NRG3: variants seen among roughly 807,000 people sequenced by gnomAD.
The protein encoded by NRG3 is neuregulin 3.
Under a neutral mutation model 66.9 loss-of-function variants are expected in NRG3, and 31 were observed. The observed-to-expected ratio is 0.46, with a 90% CI of 0.35 to 0.63. NRG3 has a LOEUF of 0.63. Ranked by LOEUF, NRG3 falls within the 20% of genes least tolerant of loss-of-function variation. The pLI is 0.00. For missense variants in NRG3, 910 were observed against 878.9 expected (o/e 1.04, Z -0.45); for synonymous variants, 393 against 359.4 (o/e 1.09, Z -1.06).
At chr10:82,576,429 A>G (rs1188597803) in intron 2 of NRG3, among the ~76,000 whole-genome samples, 4 of 151,472 alleles carry the variant, frequency 2.6e-5, no homozygotes, top group African/African-American at 9.7e-5. Flanking sequence ...AATCTTTCCA[A>G]TGGGCCTGAG....
intron 1 of NRG3, among the ~76,000 whole-genome samples, chr10:82,044,040 T>C (rs2063154939): frequency 6.6e-6 from 1 of 152,060 alleles, no homozygotes; most frequent in African/African-American, 2.4e-5. Context: ...ATTGTTTGTA[T>C]TGGTGGTGAG....
intron 4 of NRG3, among the ~76,000 whole-genome samples, chr10:82,890,877 C>G (rs1369016302): frequency 6.6e-6 from 1 of 152,120 alleles, no homozygotes; most frequent in African/African-American, 2.4e-5. Context: ...TTTGTCTCCC[C>G]TAAATGAGAA....
chr10:82,461,623 C>G (rs1263180261), intron 2 of NRG3, among the ~76,000 whole-genome samples: 2 of 152,144 alleles, frequency 1.3e-5, no homozygotes, highest in Non-Finnish European at 2.9e-5. Flanking sequence ...CATATTCAAG[C>G]TGGTATTTAT....
At chr10:82,035,008 A>G (rs1045052386) in intron 1 of NRG3, among the ~76,000 whole-genome samples, 1 of 152,094 alleles carries the variant, frequency 6.6e-6, no homozygotes, top group Non-Finnish European at 1.5e-5. Flanking sequence ...CTTAAAGTGA[A>G]TATAGTTTAC....
intron 1 of NRG3, among the ~76,000 whole-genome samples, chr10:82,163,825 A>G (rs2071801218): frequency 6.6e-6 from 1 of 152,040 alleles, no homozygotes; most frequent in African/African-American, 2.4e-5. Context: ...ATGGTGAGGA[A>G]TTCAGATTTT....
chr10:82,578,320 T>C (rs527336173), intron 2 of NRG3, among the ~76,000 whole-genome samples: 1 of 146,274 alleles, frequency 6.8e-6, no homozygotes, highest in Non-Finnish European at 1.5e-5. Flanking sequence ...TCTCTGATCA[T>C]TGATATTTTA....
At chr10:82,192,277 A>G (rs2074190364) in intron 1 of NRG3, among the ~76,000 whole-genome samples, 1 of 152,208 alleles carries the variant, frequency 6.6e-6, no homozygotes, top group Non-Finnish European at 1.5e-5. Context: ...TGCCAAATGG[A>G]AATTATACAA....
intron 1 of NRG3, among the ~76,000 whole-genome samples, chr10:81,924,369 AT>A (rs1846559954): frequency 6.6e-6 from 1 of 152,264 alleles, no homozygotes; most frequent in Non-Finnish European, 1.5e-5. Flanking sequence ...AAATAAAAGC[AT>A]TTAGAAAGAC....
At chr10:82,652,146 G>A (rs10787305) in intron 2 of NRG3, among the ~76,000 whole-genome samples, 63,920 of 152,008 alleles carry the variant, frequency 0.42, 14,322 homozygotes, top group Non-Finnish European at 0.51. Flanking sequence ...CAGGATGAGC[G>A]CTTTTAGGGT....
chr10:82,541,141 T>A (rs74724459), intron 2 of NRG3, among the ~76,000 whole-genome samples: 2,107 of 152,314 alleles, frequency 0.014, 20 homozygotes, highest in Non-Finnish European at 0.021. Context: ...TTCTTTAAGC[T>A]ACTCAGTCAC....
chr10:81,922,462 A>G (rs112651862), intron 1 of NRG3, among the ~76,000 whole-genome samples: 2,868 of 152,256 alleles, frequency 0.019, 76 homozygotes, highest in African/African-American at 0.063. Flanking sequence ...CTCTATGTGC[A>G]TATGTACATA....
chr10:82,464,275 C>T (rs1298019051), intron 2 of NRG3, among the ~76,000 whole-genome samples: 3 of 152,064 alleles, frequency 2.0e-5, no homozygotes, highest in Admixed American at 6.5e-5. Context: ...TTCTTAGAAG[C>T]TGACATTCAG....
chr10:82,068,746 A>G (rs1432013686), intron 1 of NRG3, among the ~76,000 whole-genome samples: 2 of 152,192 alleles, frequency 1.3e-5, no homozygotes, highest in African/African-American at 2.4e-5. Flanking sequence ...GTGGGAAGAA[A>G]TGAGGTCATT....
intron 1 of NRG3, among the ~76,000 whole-genome samples, chr10:82,239,247 T>C (rs2076900481): frequency 6.6e-6 from 1 of 152,152 alleles, no homozygotes; most frequent in Admixed American, 6.6e-5. Flanking sequence ...TACACATACA[T>C]ATATATTTTT....
At chr10:81,987,151 G>A (rs941064966) in intron 1 of NRG3, among the ~76,000 whole-genome samples, 2 of 152,002 alleles carry the variant, frequency 1.3e-5, no homozygotes, top group East Asian at 1.9e-4. Context: ...GCAGTGACGC[G>A]ATCTCGGCTC....
chr10:82,121,874 G>A (rs1381562230), intron 1 of NRG3, among the ~76,000 whole-genome samples: 2 of 152,134 alleles, frequency 1.3e-5, no homozygotes, highest in Admixed American at 1.3e-4. Flanking sequence ...CTGGGCTCCA[G>A]CAATCCTCCT....
intron 3 of NRG3, among the ~76,000 whole-genome samples, chr10:82,840,039 T>A (rs1028577239): frequency 6.6e-6 from 1 of 152,216 alleles, no homozygotes; most frequent in African/African-American, 2.4e-5. Flanking sequence ...ATATACTTAT[T>A]TGTTCAGTCC....
At chr10:82,355,813 G>A (rs2135557153) in intron 1 of NRG3, among the ~76,000 whole-genome samples, 1 of 152,214 alleles carries the variant, frequency 6.6e-6, no homozygotes, top group East Asian at 1.9e-4. Flanking sequence ...ATAGTAAAAT[G>A]CATAGGTATA....
intron 3 of NRG3, among the ~76,000 whole-genome samples, chr10:82,753,070 G>A (rs2134965289): frequency 6.6e-6 from 1 of 152,158 alleles, no homozygotes; most frequent in South Asian, 2.1e-4. Flanking sequence ...AGACCTTTGG[G>A]TTCTCCTCAT....
Sources: allele counts gnomAD v4.1 joint callset (sites outside exome capture counted in the v4.1 genomes callset), GRCh38; gene constraint gnomAD v4.1.1; transcripts MANE v1.5; gene names NCBI Gene and HGNC (gene_info 2026-07-23, HGNC 2026-07-21).